ADCY9: variants seen among roughly 807,000 people sequenced by gnomAD.
ADCY9 encodes adenylate cyclase 9.
ADCY9 carries 50 observed loss-of-function variants against 101.5 expected under a neutral mutation model. That is an observed-to-expected ratio of 0.49 (90% confidence interval 0.39 to 0.62). The LOEUF (loss-of-function observed/expected upper bound fraction) is 0.62. Ranked by LOEUF, ADCY9 falls within the 20% of genes least tolerant of loss-of-function variation. ADCY9 has a pLI of 0.00. For missense variants in ADCY9, 1,662 were observed against 1,800.4 expected, an observed-to-expected ratio of 0.92 and a Z score of 1.39; for synonymous variants, 905 against 769.3, an observed-to-expected ratio of 1.18 and a Z score of -2.92.
chr16:3,959,382 AT>A (rs1208007059), downstream of ADCY9, among the ~76,000 whole-genome samples: 28 of 142,098 alleles, frequency 2.0e-4, no homozygotes, highest in African/African-American at 5.2e-4. Context: ...AAAAAAAAAA[AT>A]GTCCGTACTT....
At chr16:4,025,284 A>G (rs2056506787) in intron 2 of ADCY9, among the ~76,000 whole-genome samples, 1 of 151,304 alleles carries the variant, frequency 6.6e-6, no homozygotes. Flanking sequence ...GAGGCAGGAG[A>G]ATTGCCTTGA....
At position 4,051,355 on chromosome 16, in the gene ADCY9, C is replaced by A. The variant is rs544050605; in HGVS notation, c.1694-43797G>T. On this transcript the variant is annotated intron_variant, in intron 2 of 10. Transcript: ENST00000294016. ...CCTGGTTAACACAGTGAAACCCCGT[C>A]TCTACTAAAAATACAAAAATTAGCC... Among the ~76,000 whole-genome samples, 275 of 152,074 alleles carry A rather than the reference C, an allele frequency of 1.8e-3. 3 individuals are homozygous for A. Among genetic ancestry groups the A allele is most frequent in the Admixed American group, 3.3e-3 (50 of 15,242 alleles).
At chr16:3,958,541 CAAAAA>C (rs57920543), downstream of ADCY9, among the ~76,000 whole-genome samples, 71,049 of 103,686 alleles carry the variant, frequency 0.69, 22,464 homozygotes, top group East Asian at 0.75. Flanking sequence ...AACTCCGTCT[CAAAAA>C]AAAAAAAAAA....
chr16:4,019,975 G>A (rs1452118083), intron 2 of ADCY9, among the ~76,000 whole-genome samples: 3 of 152,176 alleles, frequency 2.0e-5, no homozygotes, highest in Admixed American at 1.3e-4. Context: ...CTACTCGGGA[G>A]GCTGAGGCAT....
chr16:4,007,853 G>T (rs929597317), intron 2 of ADCY9, among the ~76,000 whole-genome samples: 2 of 151,994 alleles, frequency 1.3e-5, no homozygotes, highest in African/African-American at 4.8e-5. Flanking sequence ...GTTCCTCCAT[G>T]AAAGGGTCCC....
At chr16:3,977,873 C>T (rs760101800) in intron 8 of ADCY9, among the ~76,000 whole-genome samples, 1 of 152,140 alleles carries the variant, frequency 6.6e-6, no homozygotes, top group Non-Finnish European at 1.5e-5. Context: ...CCCGGCACCA[C>T]ACCTCGCTAA....
At position 4,034,011 on chromosome 16, in the gene ADCY9, A is replaced by G. The variant is rs201567749; in HGVS notation, c.1694-26453T>C. Among the ~76,000 whole-genome samples the G allele has an allele frequency of 2.0e-4, 31 of 152,348 alleles. No individual in the cohort carries two copies. The East Asian group carries it at 5.8e-3, about 28-fold the overall frequency. ...AAAACATAGAAAAACTGTCTGCCACATACGCAGATGAGGGGAACAACGAAA... is the reference window on the plus strand; with the variant it reads ...AAAACATAGAAAAACTGTCTGCCACGTACGCAGATGAGGGGAACAACGAAA... On this transcript the variant is annotated intron_variant, in intron 2 of 10. Transcript: ENST00000294016.
Position 3,963,323 on chromosome 16 carries a change from C to T in ADCY9, c.*2452G>A, listed in dbSNP as rs1412892966. The T allele has an allele frequency of 5.0e-5, 20 of 398,664 alleles. No individual in the cohort carries two copies. The highest frequency in any genetic ancestry group is 8.8e-5 in the Admixed American group (2 of 22,684). The allele number at this position is 398,664 out of a possible 1,614,324, so 24.7% of individuals were successfully genotyped here. A position where few individuals can be genotyped will look rare whatever the true frequency, so the allele number is the denominator to read the frequency against. ...CCCTCGTGCCAGCTGCTTAGAAACT[C>T]GTGTCTCCAGCACGATGTGCTCGCT... On this transcript the variant is annotated 3_prime_UTR_variant, in exon 11 of 11. Transcript: ENST00000294016.
At chr16:4,108,238 C>T (rs1172291306) in intron 2 of ADCY9, among the ~76,000 whole-genome samples, 1 of 152,002 alleles carries the variant, frequency 6.6e-6, no homozygotes, top group Non-Finnish European at 1.5e-5. Context: ...CTCGAGATAA[C>T]ACGTCTCACC....
chr16:3,960,149 A>G (rs2055930162), downstream of ADCY9, among the ~76,000 whole-genome samples: 4 of 152,206 alleles, frequency 2.6e-5, no homozygotes, highest in Admixed American at 2.6e-4. Context: ...GTTGGAATGA[A>G]AAGTCATCTC....
chr16:3,997,462 C>T (rs942551331), intron 3 of ADCY9, among the ~76,000 whole-genome samples: 3 of 152,252 alleles, frequency 2.0e-5, no homozygotes, highest in Admixed American at 2.0e-4. Flanking sequence ...CTTACATCCC[C>T]TTGAACAGAG....
chr16:4,075,600 C>T (rs1021121232), intron 2 of ADCY9, among the ~76,000 whole-genome samples: 31 of 152,290 alleles, frequency 2.0e-4, no homozygotes, highest in Admixed American at 1.8e-3. Flanking sequence ...AAATACTGAG[C>T]GTCTGCTAAA....
At chr16:3,961,598 C>T (rs892500833), downstream of ADCY9, among the ~76,000 whole-genome samples, 1 of 152,120 alleles carries the variant, frequency 6.6e-6, no homozygotes, top group Non-Finnish European at 1.5e-5. Context: ...ACCTCATTGG[C>T]CCCGGGCTCC....
chr16:4,054,761 G>GT (rs1414204658), intron 2 of ADCY9, among the ~76,000 whole-genome samples: 1 of 151,988 alleles, frequency 6.6e-6, no homozygotes, highest in Admixed American at 6.6e-5. Flanking sequence ...GTAGAGACGG[G>GT]TTTCACTGTG....
intron 2 of ADCY9, among the ~76,000 whole-genome samples, chr16:4,099,356 C>G (rs774218231): frequency 6.6e-6 from 1 of 152,178 alleles, no homozygotes; most frequent in Non-Finnish European, 1.5e-5. Flanking sequence ...CAAATTAAAG[C>G]TTCCAAGGAA....
Position 4,114,320 on chromosome 16 carries a change from T to C in ADCY9, c.1123A>G (p.Ile375Val). 1.2e-6 allele frequency: 2 copies of C among 1,613,994 alleles called. No individual in the cohort carries two copies. Among genetic ancestry groups the C allele is most frequent in the East Asian group, 2.2e-5 (1 of 44,892 alleles). The change falls in exon 2 of 11, where the codon ATC becomes GTC. Residue 375 changes from isoleucine to valine, a missense_variant. Physicochemically the swap from Ile to Val is conservative, Grantham distance 29 (BLOSUM62 3). Coordinates refer to ENST00000294016, the MANE Select transcript of ADCY9 (RefSeq NM_001116.4). This position sits in a 1 kb window ranked among gnomAD's most constrained non-coding sequence, Gnocchi z 4.3. ...SPKNRKKKSSIQKAPIAFRPF... is the reference protein window; with the variant it reads ...SPKNRKKKSSVQKAPIAFRPF... ...CGGAAGGCTATAGGAGCTTTTTGGA[T>C]GGAAGACTTTTTCTTCCTGTTCTTG... is the stretch of plus-strand genomic sequence containing the variant.
intron 2 of ADCY9, among the ~76,000 whole-genome samples, chr16:4,045,503 G>A (rs1015115305): frequency 6.8e-6 from 1 of 146,592 alleles, no homozygotes; most frequent in Non-Finnish European, 1.5e-5. Context: ...GCTGAGGCAG[G>A]AGAATTGCTT....
At chr16:4,085,614 G>A (rs1267530625) in intron 2 of ADCY9, among the ~76,000 whole-genome samples, 1 of 152,084 alleles carries the variant, frequency 6.6e-6, no homozygotes, top group Admixed American at 6.5e-5. Context: ...AACCCTGACT[G>A]GTTACATGGA....
At chr16:4,013,223 G>A (rs1245279805) in intron 2 of ADCY9, among the ~76,000 whole-genome samples, 1 of 150,190 alleles carries the variant, frequency 6.7e-6, no homozygotes, top group African/African-American at 2.4e-5. Flanking sequence ...ACTCCAGCCT[G>A]GGCAAGAGAG....
Sources: gnomAD v4.1 joint callset for allele counts (sites outside exome capture counted in the v4.1 genomes callset) on GRCh38, gnomAD v4.1.1 for gene constraint, Gnocchi (gnomAD v3.1) non-coding constraint, MANE v1.5 for transcripts, NCBI Gene and HGNC (gene_info 2026-07-23, HGNC 2026-07-21) for gene names.